HTR6: variants seen among roughly 807,000 people sequenced by gnomAD.
HTR6 encodes 5-hydroxytryptamine receptor 6, also known as 5-hydroxytryptamine (serotonin) receptor 6, G protein-coupled.
In HTR6, 15 loss-of-function variants were observed where a neutral mutation model predicts 17.4. That is an observed-to-expected ratio of 0.86 (90% CI 0.58 to 1.33). The LOEUF (loss-of-function observed/expected upper bound fraction) is 1.33. HTR6 is among the 40% of genes most tolerant of loss of function. HTR6 has a pLI of 0.00. For synonymous variants in HTR6, 326 were observed against 295.5 expected, an observed-to-expected ratio of 1.10 and a Z score of -1.06; for missense variants, 578 against 616.0, an observed-to-expected ratio of 0.94 and a Z score of 0.65.
Position 19,665,581 on chromosome 1 carries a change from G to A in HTR6, c.-173G>A, listed in dbSNP as rs2095080290. 5.7e-6 allele frequency: 3 copies of A among 523,506 alleles called. No homozygotes were observed. The highest frequency in any genetic ancestry group is 7.8e-5 in the Admixed American group (2 of 25,668). 32.4% of individuals were successfully genotyped at this position (523,506 alleles called of 1,614,324 possible). ...TGTCCTCCTGTAGTCGCTGCCCCCTGACCTAGCGCGACCCAGCGCCCCCGC... is the reference window on the plus strand; with the variant it reads ...TGTCCTCCTGTAGTCGCTGCCCCCTAACCTAGCGCGACCCAGCGCCCCCGC... On this transcript the variant is annotated 5_prime_UTR_variant, in exon 1 of 3. Coordinates refer to ENST00000289753, the MANE Select transcript of HTR6 (RefSeq NM_000871.3). This position sits in a 1 kb window ranked among gnomAD's most constrained non-coding sequence, Gnocchi z 4.2.
At position 19,665,693 on chromosome 1, in the gene HTR6, CG is replaced by C; in HGVS notation, c.-57del. ...GGTCCCCGTCCAGCCTGCGCTTCGC[CG>C]GGGCCCTCATCTGCTTTCCCGCCAC... On this transcript the variant is annotated 5_prime_UTR_variant, in exon 1 of 3. Coordinates refer to ENST00000289753, the MANE Select transcript of HTR6 (RefSeq NM_000871.3). This position sits in a 1 kb window ranked among gnomAD's most constrained non-coding sequence, Gnocchi z 4.2. 1 of 1,144,142 alleles carries C rather than the reference CG, an allele frequency of 8.7e-7. No individual in the cohort carries two copies. 70.9% of individuals were successfully genotyped at this position (1,144,142 alleles called of 1,614,324 possible).
intron 1 of HTR6, among the ~76,000 whole-genome samples, chr1:19,671,415 C>A (rs3790757): frequency 6.6e-6 from 1 of 152,130 alleles, no homozygotes; most frequent in Non-Finnish European, 1.5e-5. Flanking sequence ...CTTTCAAATC[C>A]ACTCGGCTCC....
At chr1:19,670,088 C>T (rs1278135142) in intron 1 of HTR6, among the ~76,000 whole-genome samples, 2 of 152,132 alleles carry the variant, frequency 1.3e-5, no homozygotes, top group South Asian at 4.1e-4. Context: ...GGCCTCCTCT[C>T]CTTCTATAAT....
Position 19,679,060 on chromosome 1 carries a change from C to A in HTR6, c.1015C>A (p.Arg339Ser), listed in dbSNP as rs200649224. The A allele has an allele frequency of 9.9e-6, 16 of 1,614,090 alleles. No individual in the cohort carries two copies. The highest frequency in any genetic ancestry group is 1.4e-5 in the Non-Finnish European group (16 of 1,179,960). The change falls in exon 3 of 3, where the codon CGC becomes AGC. Residue 339 changes from arginine (R) to serine (S), a missense_variant. Transcript: ENST00000289753. This position sits in a 1 kb window ranked among gnomAD's most constrained non-coding sequence, Gnocchi z 4.9. ...GCTGGGCAGGTTCCTGCCATGTCCA[C>A]GCTGTCCCCGGGAGCGCCAGGCCAG... ...RALGRFLPCP[R>S]CPRERQASLA...
At chr1:19,669,607 C>A (rs909319957) in intron 1 of HTR6, among the ~76,000 whole-genome samples, 1 of 152,198 alleles carries the variant, frequency 6.6e-6, no homozygotes, top group East Asian at 1.9e-4. Context: ...TCTGTGCCTT[C>A]TGGTCTTCTC....
chr1:19,673,170 G>A (rs932438876), intron 1 of HTR6, among the ~76,000 whole-genome samples: 1 of 152,166 alleles, frequency 6.6e-6, no homozygotes, highest in African/African-American at 2.4e-5. Context: ...ACACTTCTAT[G>A]GGACTTCCTA....
Position 19,665,934 on chromosome 1 carries a change from T to C in HTR6, c.181T>C (p.Ser61Pro). The change falls in exon 1 of 3, where the codon TCC becomes CCC. Residue 61 changes from serine to proline, a missense_variant. By Grantham distance (74) the Ser-to-Pro change is moderately conservative. Transcript: ENST00000289753. The surrounding 1 kb of genome is among the most constrained non-coding windows in gnomAD (Gnocchi z 4.2). ...ICTQPALRNT[S>P]NFFLVSLFTS... ...CACTCAGCCCGCGCTGCGCAACACGTCCAACTTCTTCCTGGTGTCGCTCTT... is the reference window on the plus strand; with the variant it reads ...CACTCAGCCCGCGCTGCGCAACACGCCCAACTTCTTCCTGGTGTCGCTCTT... 1 of 1,613,674 alleles carries C rather than the reference T, an allele frequency of 6.2e-7. No homozygotes were observed. The highest frequency in any genetic ancestry group is 8.5e-7 in the Non-Finnish European group (1 of 1,179,854).
intron 1 of HTR6, among the ~76,000 whole-genome samples, chr1:19,671,354 C>A (rs1216126073): frequency 6.6e-6 from 1 of 152,142 alleles, no homozygotes; most frequent in African/African-American, 2.4e-5. Context: ...TTCTGGAAAG[C>A]CCATTCTCTT....
intron 1 of HTR6, among the ~76,000 whole-genome samples, chr1:19,674,439 C>T (rs1373354787): frequency 6.9e-6 from 1 of 144,346 alleles, no homozygotes; most frequent in Admixed American, 7.0e-5. Context: ...CAAACTCTCA[C>T]TCTGTCACCC....
rs1374786250 is a variant in HTR6 at position 19,674,192 on chromosome 1, T to C, written c.715-4375T>C. Among the ~76,000 whole-genome samples the C allele has an allele frequency of 2.0e-5, 3 of 152,146 alleles. No homozygotes were observed. In the East Asian group the frequency reaches 5.8e-4, roughly 29 times the overall value. The stretch of plus-strand genomic sequence containing the variant: ...CCTTCCGGGTCATTTTCTATGTGCT[T>C]ATGTATTTATACAGGTACTTAAAGA... On this transcript the variant is annotated intron_variant, in intron 1 of 2. Coordinates refer to ENST00000289753, the MANE Select transcript of HTR6 (RefSeq NM_000871.3).
chr1:19,672,711 A>G (rs1167728800), intron 1 of HTR6, among the ~76,000 whole-genome samples: 1 of 152,212 alleles, frequency 6.6e-6, no homozygotes, highest in Non-Finnish European at 1.5e-5. Flanking sequence ...GATAATATAC[A>G]TAAAATACCA....
At chr1:19,677,749 CTG>C (rs2095096120) in intron 1 of HTR6, among the ~76,000 whole-genome samples, 1 of 151,984 alleles carries the variant, frequency 6.6e-6, no homozygotes, top group Admixed American at 6.5e-5. Context: ...TTGTGTGTGT[CTG>C]TGTGTGTGAC....
At chr1:19,667,206 T>C (rs1347207670) in intron 1 of HTR6, among the ~76,000 whole-genome samples, 1 of 152,162 alleles carries the variant, frequency 6.6e-6, no homozygotes, top group Non-Finnish European at 1.5e-5. Flanking sequence ...TGCTGTTCCC[T>C]GTGCCTGGAA....
At chr1:19,678,420 G>A in intron 1 of HTR6, 147 bp from the exon 2 acceptor site, 1 of 971,894 alleles carries the variant, frequency 1.0e-6, no homozygotes, top group Non-Finnish European at 1.6e-6. Context: ...TAGGACTCTA[G>A]TTGGGACTCA....
chr1:19,675,196 G>A (rs968585631), intron 1 of HTR6, among the ~76,000 whole-genome samples: 1 of 152,226 alleles, frequency 6.6e-6, no homozygotes, highest in African/African-American at 2.4e-5. Context: ...CTTAACTGCT[G>A]TGTGACTTCT....
At position 19,680,371 on chromosome 1, in the gene HTR6, T is replaced by C. The variant is rs980588004; in HGVS notation, c.*1003T>C. ...GCCTGACTCTGGTTCCCCAACTCCCTGTTCTGGCTCCTGGGTGGGGACCCC... is the reference window on the plus strand; with the variant it reads ...GCCTGACTCTGGTTCCCCAACTCCCCGTTCTGGCTCCTGGGTGGGGACCCC... On this transcript the variant is annotated 3_prime_UTR_variant, in exon 3 of 3. Transcript: ENST00000289753. Among the ~76,000 whole-genome samples the C allele has an allele frequency of 6.6e-6, 1 of 152,210 alleles. No homozygotes were observed. The highest frequency in any genetic ancestry group is 1.5e-5 in the Non-Finnish European group (1 of 68,038).
At chr1:19,671,316 G>A (rs1557428086) in intron 1 of HTR6, among the ~76,000 whole-genome samples, 1 of 152,184 alleles carries the variant, frequency 6.6e-6, no homozygotes, top group South Asian at 2.1e-4. Flanking sequence ...TCTCAAGCCA[G>A]AAATGTGTCT....
At position 19,665,452 on chromosome 1, in the gene HTR6, T is replaced by G; in HGVS notation, c.-302T>G. ...GACCTCTGCTTGACTTCCCGCCGCT[T>G]CCTTCAGGGGCCTCGGCTCATCGGG... On this transcript the variant is annotated 5_prime_UTR_variant, in exon 1 of 3. Transcript: ENST00000289753. This position sits in a 1 kb window ranked among gnomAD's most constrained non-coding sequence, Gnocchi z 4.2. The G allele has an allele frequency of 3.1e-6, 1 of 320,560 alleles. No homozygotes were observed. The highest frequency in any genetic ancestry group is 5.2e-5 in the East Asian group (1 of 19,122). The allele number at this position is 320,560 out of a possible 1,614,324, so 19.9% of individuals were successfully genotyped here. A position where few individuals can be genotyped will look rare whatever the true frequency, so the allele number is the denominator to read the frequency against.
intron 1 of HTR6, among the ~76,000 whole-genome samples, chr1:19,667,259 C>G (rs2095082697): frequency 6.6e-6 from 1 of 152,108 alleles, no homozygotes; most frequent in Non-Finnish European, 1.5e-5. Context: ...CCATCTTTGA[C>G]CACCCTATCT....
Sources: allele counts gnomAD v4.1 joint callset (sites outside exome capture counted in the v4.1 genomes callset), GRCh38; gene constraint gnomAD v4.1.1; non-coding constraint Gnocchi (gnomAD v3.1); transcripts MANE v1.5; gene names NCBI Gene and HGNC (gene_info 2026-07-23, HGNC 2026-07-21).